Variants in PITPNM3 observed in about 807,000 individuals in gnomAD.
The protein encoded by PITPNM3 is PITPNM family member 3, also known as membrane-associated phosphatidylinositol transfer protein 3.
A neutral mutation model predicts 102.0 loss-of-function variants in PITPNM3; 26 were observed. The ratio of observed to expected loss-of-function variants is 0.25; its 90% confidence interval spans 0.19 to 0.35. The LOEUF (loss-of-function observed/expected upper bound fraction) is 0.35, where lower values mean the gene tolerates loss of function less well. Ranked by LOEUF, PITPNM3 falls within the 10% of genes least tolerant of loss-of-function variation. The pLI is 1.00. For missense variants in PITPNM3, 1,083 were observed against 1,346.1 expected (o/e 0.80, Z 3.06); for synonymous variants, 578 against 558.6 (o/e 1.03, Z -0.49).
rs1303110230 is a variant in PITPNM3 at position 6,469,872 on chromosome 17, T to A, written c.1773+388A>T. Among the ~76,000 whole-genome samples, 3 of 151,998 alleles carry A rather than the reference T, an allele frequency of 2.0e-5. No homozygotes were observed. The highest frequency in any genetic ancestry group is 7.2e-5 in the African/African-American group (3 of 41,390). On this transcript the variant is annotated intron_variant, in intron 13 of 19. Coordinates refer to ENST00000262483, the MANE Select transcript of PITPNM3 (RefSeq NM_031220.4). This position sits in a 1 kb window ranked among gnomAD's most constrained non-coding sequence, Gnocchi z 4.0. ...CATGACCCCTACCAGCTCCCCAGAC[T>A]CCCTCCCCACCAGGCTCTCCTTCTG...
chr17:6,546,271 G>C (rs1910015985), intron 1 of PITPNM3, among the ~76,000 whole-genome samples: 1 of 152,214 alleles, frequency 6.6e-6, no homozygotes, highest in Admixed American at 6.5e-5. Context: ...GACACGCCAG[G>C]AGCCCTGGAA....
chr17:6,493,362 A>C (rs1906610544), intron 4 of PITPNM3, among the ~76,000 whole-genome samples: 1 of 152,262 alleles, frequency 6.6e-6, no homozygotes, highest in African/African-American at 2.4e-5. Context: ...GAAGAGCAGC[A>C]GCTGCCTGCA....
chr17:6,503,349 TAG>T (rs1290717260), intron 4 of PITPNM3, among the ~76,000 whole-genome samples, 176 bp downstream of exon 4: 1 of 152,068 alleles, frequency 6.6e-6, no homozygotes, highest in African/African-American at 2.4e-5. Flanking sequence ...GTTCATGGGT[TAG>T]AGAGGGCCCA....
At chr17:6,484,645 T>C (rs752659502) in intron 4 of PITPNM3, among the ~76,000 whole-genome samples, 5 of 152,156 alleles carry the variant, frequency 3.3e-5, no homozygotes, top group Non-Finnish European at 7.3e-5. Flanking sequence ...TGGACAGCGA[T>C]TTGAGCAAAG....
Position 6,457,451 on chromosome 17 carries a change from A to G in PITPNM3, c.2619+143T>C. 7.3e-7 allele frequency: 1 copy of G among 1,373,052 alleles called. No homozygotes were observed. The highest frequency in any genetic ancestry group is 2.0e-5 in the Admixed American group (1 of 49,404). The allele number at this position is 1,373,052 out of a possible 1,614,324, so 85.1% of individuals were successfully genotyped here. A position where few individuals can be genotyped will look rare whatever the true frequency, so the allele number is the denominator to read the frequency against. On this transcript the variant is annotated intron_variant, in intron 19 of 19. Transcript: ENST00000262483. This position sits in a 1 kb window ranked among gnomAD's most constrained non-coding sequence, Gnocchi z 4.7. ...ACACAGGCCCTGGCCCAAGGCAGGC[A>G]CCCCGAAGTGTTTGTTGAATAAATG...
chr17:6,521,910 G>A (rs1354148254), intron 3 of PITPNM3, among the ~76,000 whole-genome samples: 1 of 152,192 alleles, frequency 6.6e-6, no homozygotes, highest in African/African-American at 2.4e-5. Flanking sequence ...CACTTGAAGG[G>A]CCATTCCATC....
chr17:6,454,945 G>A lies in PITPNM3; in HGVS notation c.*393C>T, dbSNP rs1914017065. ...AGGCTGTGCCTGCCAGCGGCGCTTG[G>A]TGCCGAGGCTGGGGCTGCCCCCTTG... On this transcript the variant is annotated 3_prime_UTR_variant, in exon 20 of 20. Coordinates refer to ENST00000262483, the MANE Select transcript of PITPNM3 (RefSeq NM_031220.4). 4.3e-6 allele frequency: 1 copy of A among 233,328 alleles called. No individual in the cohort carries two copies. The highest frequency in any genetic ancestry group is 5.2e-5 in the Admixed American group (1 of 19,124). 14.5% of individuals were successfully genotyped at this position (233,328 alleles called of 1,614,324 possible).
rs1459384243 is a variant in PITPNM3, at chr17:6,461,411, G to A, written c.2452C>T (p.Arg818Trp). 5 of 1,614,132 alleles carry A rather than the reference G, an allele frequency of 3.1e-6. No homozygotes were observed. The highest frequency in any genetic ancestry group is 2.5e-6 in the Non-Finnish European group (3 of 1,180,038). ...FSDGLVHDPL[R>W]QKAIFLRNLM... ...TTGCGCAGGAAGATGGCCTTCTGCC[G>A]CAGCGGGTCATGCACCAGCCCATCG... Residue 818 changes from arginine (R) to tryptophan (W), a missense_variant, in exon 18 of 20, where the codon CGG becomes TGG. By Grantham distance (101) the Arg-to-Trp change is moderately radical (BLOSUM62 -3). Transcript: ENST00000262483.
intron 3 of PITPNM3, among the ~76,000 whole-genome samples, chr17:6,512,792 G>A (rs1348257359): frequency 2.6e-5 from 4 of 152,128 alleles, no homozygotes; most frequent in Non-Finnish European, 4.4e-5. Flanking sequence ...CAACAAGAAC[G>A]TGGCCTTGCT....
chr17:6,496,718 G>A (rs190014867), intron 4 of PITPNM3, among the ~76,000 whole-genome samples: 21 of 152,252 alleles, frequency 1.4e-4, no homozygotes, highest in Admixed American at 1.2e-3. Context: ...ATATAAAGGT[G>A]CTCATTAAAT....
chr17:6,554,716 C>T (rs996213967), intron 1 of PITPNM3, among the ~76,000 whole-genome samples: 3 of 151,572 alleles, frequency 2.0e-5, no homozygotes, highest in Non-Finnish European at 4.4e-5. Context: ...CAGAGAGAGT[C>T]CTTCGAGTCC....
chr17:6,461,256 T>C (rs1904434504), intron 18 of PITPNM3, 117 bp downstream of exon 18: 2 of 1,263,202 alleles, frequency 1.6e-6, no homozygotes, highest in Admixed American at 3.6e-5. Flanking sequence ...TCCACGGGAA[T>C]GGGATTTACA....
At chr17:6,485,774 C>T (rs1039412316) in intron 4 of PITPNM3, among the ~76,000 whole-genome samples, 1 of 152,218 alleles carries the variant, frequency 6.6e-6, no homozygotes, top group African/African-American at 2.4e-5. Context: ...GCTCCCAGCC[C>T]TCCCTGAGCT....
rs535167630 is a variant in PITPNM3 at position 6,503,390 on chromosome 17, C to T, written c.274+137G>A. The T allele has an allele frequency of 1.8e-3, 1,793 of 1,004,452 alleles. 6 individuals are homozygous for T. Among genetic ancestry groups the T allele is most frequent in the Middle Eastern group, 0.013 (41 of 3,240 alleles). The allele number at this position is 1,004,452 out of a possible 1,614,324, so 62.2% of individuals were successfully genotyped here. On this transcript the variant is annotated intron_variant, in intron 4 of 19. Transcript: ENST00000262483. ...TCAGGCTGAGTGACCCCAGGCCCTCCGGTACTGCCTGCAGGCAAGATGGCA... is the reference window on the plus strand; with the variant it reads ...TCAGGCTGAGTGACCCCAGGCCCTCTGGTACTGCCTGCAGGCAAGATGGCA...
At chr17:6,467,264 G>A (rs1487968992) in intron 14 of PITPNM3, among the ~76,000 whole-genome samples, 1 of 152,084 alleles carries the variant, frequency 6.6e-6, no homozygotes, top group African/African-American at 2.4e-5. Flanking sequence ...GACACAAATG[G>A]TCACATATTA....
In PITPNM3 at chr17:6,451,450, A is replaced by G. The variant is rs755953552; in HGVS notation, c.*3888T>C. The G allele has an allele frequency of 6.6e-6, 1 of 152,228 alleles. No homozygotes were observed. Among genetic ancestry groups the G allele is most frequent in the Non-Finnish European group, 1.5e-5 (1 of 68,042 alleles). 9.4% of individuals were successfully genotyped at this position (152,228 alleles called of 1,614,324 possible). On this transcript the variant is annotated 3_prime_UTR_variant, in exon 20 of 20. Transcript: ENST00000262483. ...ACAAGGCAGCCATAAGGAATATAAT[A>G]AACCTTTTTCACCACAGAACCATCT...
At position 6,556,303 on chromosome 17, in the gene PITPNM3, C is replaced by G; in HGVS notation, c.22+82G>C. ...CCTCCGCCCACCTGCGCGAGGGGTT[C>G]ACCTGGGCCGGCGGCCCCTCCTCTA... is the stretch of plus-strand genomic sequence containing the variant. On this transcript the variant is annotated intron_variant, in intron 1 of 19. Transcript: ENST00000262483. This position sits in a 1 kb window ranked among gnomAD's most constrained non-coding sequence, Gnocchi z 5.2. The G allele has an allele frequency of 8.1e-7, 1 of 1,242,122 alleles. No individual in the cohort carries two copies. Among genetic ancestry groups the G allele is most frequent in the Non-Finnish European group, 1.1e-6 (1 of 938,742 alleles). The allele number at this position is 1,242,122 out of a possible 1,614,324, so 76.9% of individuals were successfully genotyped here.
At chr17:6,536,264 C>T (rs942228144) in intron 2 of PITPNM3, among the ~76,000 whole-genome samples, 12 of 152,130 alleles carry the variant, frequency 7.9e-5, no homozygotes, top group East Asian at 1.9e-4. Context: ...CTCTCAGGGA[C>T]GGCAGGTGAG....
intron 4 of PITPNM3, among the ~76,000 whole-genome samples, chr17:6,498,127 G>A (rs1408405090): frequency 2.0e-5 from 3 of 152,208 alleles, no homozygotes; most frequent in African/African-American, 4.8e-5. Flanking sequence ...GGGGTGAGCC[G>A]GGCTTGCTGG....
Sources: gnomAD v4.1 joint callset for allele counts (sites outside exome capture counted in the v4.1 genomes callset) on GRCh38, gnomAD v4.1.1 for gene constraint, Gnocchi (gnomAD v3.1) non-coding constraint, MANE v1.5 for transcripts, NCBI Gene and HGNC (gene_info 2026-07-23, HGNC 2026-07-21) for gene names.